The following MAMDC4 variants were observed in gnomAD, a reference collection of about 807,000 sequenced individuals.
MAMDC4 encodes apical endosomal glycoprotein.
Under a neutral mutation model 153.3 loss-of-function variants are expected in MAMDC4, and 168 were observed. That is an observed-to-expected ratio of 1.10 (90% CI 0.97 to 1.25). MAMDC4 has a LOEUF of 1.25. Ranked by LOEUF, MAMDC4 falls within the 50% of genes most tolerant of loss-of-function variation. The pLI is 0.00. For missense variants in MAMDC4, 1,701 were observed against 1,542.8 expected (o/e 1.10, Z -1.72); for synonymous variants, 744 against 651.5 (o/e 1.14, Z -2.16).
rs1848974930 is a variant in MAMDC4, at chr9:136,854,564, G to A, written c.822G>A (p.Glu274=). The change falls in exon 8 of 27, where the codon GAG becomes GAA. Residue 274 remains glutamate (E), a synonymous_variant. Coordinates refer to ENST00000317446, the MANE Select transcript of MAMDC4 (RefSeq NM_206920.3). ...TCGRHIATDF[E]TGLGPWNRSE... ...GCCGCCACATAGCCACCGACTTTGAGACAGGCCTGGGCCCATGGAACCGCT... is the reference window on the plus strand; with the variant it reads ...GCCGCCACATAGCCACCGACTTTGAAACAGGCCTGGGCCCATGGAACCGCT... 1.9e-6 allele frequency: 3 copies of A among 1,606,946 alleles called. No homozygotes were observed. In the South Asian group the frequency reaches 3.3e-5, roughly 18 times the overall value.
intron 10 of MAMDC4, 31 bp from the exon 11 acceptor site, chr9:136,855,223 C>A: frequency 6.3e-7 from 1 of 1,576,800 alleles, no homozygotes; most frequent in South Asian, 1.2e-5. Context: ...GGGAAATAGG[C>A]TGGGCACCCC....
chr9:136,857,949 ACTG>A, intron 19 of MAMDC4, 27 bp from the exon 20 acceptor site: 1 of 1,481,128 alleles, frequency 6.8e-7, no homozygotes. Context: ...CTCTCCCCAC[ACTG>A]CTGACCTGGG....
rs752206848 is a variant in MAMDC4, at chr9:136,859,079, C to T, written c.3031C>T (p.Arg1011Trp). 1.4e-5 allele frequency: 22 copies of T among 1,557,680 alleles called. No homozygotes were observed. The highest frequency in any genetic ancestry group is 2.3e-5 in the South Asian group (2 of 85,358). ...TGTGTGGGGCGCAGGCGGGCATCGG[C>T]GGCACCAGTGGCTGGAGGCCCAGGT... is the stretch of plus-strand genomic sequence containing the variant. ...LAVWGAGGHR[R>W]HQWLEAQVEV... Residue 1011 changes from arginine (R) to tryptophan (W), a missense_variant, in exon 24 of 27, where the codon CGG becomes TGG. By Grantham distance (101) the Arg-to-Trp change is moderately radical. Transcript: ENST00000317446.
chr9:136,852,579 G>T, intron 1 of MAMDC4, 117 bp downstream of exon 1: 1 of 1,340,768 alleles, frequency 7.5e-7, no homozygotes, highest in Non-Finnish European at 1.1e-6. Context: ...GGGAAGGAGG[G>T]TTGCAAGGTA....
At position 136,858,867 on chromosome 9, in the gene MAMDC4, G is replaced by T. The variant is rs772817920; in HGVS notation, c.2956+14G>T. The stretch of plus-strand genomic sequence containing the variant: ...CTGAGCACTTCTGTGAGTCCGGCTG[G>T]GCCAATGGGTGCCTGGGCAACGGGG... On this transcript the variant is annotated intron_variant, in intron 23 of 26. Coordinates refer to ENST00000317446, the MANE Select transcript of MAMDC4 (RefSeq NM_206920.3). The T allele has an allele frequency of 2.5e-6, 4 of 1,599,576 alleles. No homozygotes were observed. The South Asian group carries it at 3.3e-5, about 13-fold the overall frequency.
intron 25 of MAMDC4, 160 bp from the exon 26 acceptor site, chr9:136,859,726 C>A: frequency 2.8e-6 from 2 of 705,256 alleles, no homozygotes; most frequent in Non-Finnish European, 4.7e-6. Context: ...GTCTGCCAGG[C>A]CCCATCCTTG....
In MAMDC4 at chr9:136,854,587, G is replaced by T. The variant is rs145154902; in HGVS notation, c.845G>T (p.Arg282Leu). 5 of 1,607,120 alleles carry T rather than the reference G, an allele frequency of 3.1e-6. No individual in the cohort carries two copies. The highest frequency in any genetic ancestry group is 1.7e-5 in the Admixed American group (1 of 59,372). ...GAGACAGGCCTGGGCCCATGGAACC[G>T]CTCGGAAGGCTGGTCCCGGAACCAC... ...DFETGLGPWN[R>L]SEGWSRNHRA... Residue 282 changes from arginine (R) to leucine (L), a missense_variant, in exon 8 of 27, where the codon CGC becomes CTC. By Grantham distance (102) the Arg-to-Leu change is moderately radical (BLOSUM62 -2). Transcript: ENST00000317446.
In MAMDC4 at chr9:136,857,901, G is replaced by GCTGGGAGC; in HGVS notation, c.2465-69_2465-62dup. On this transcript the variant is annotated intron_variant, in intron 19 of 26. Transcript: ENST00000317446. ...CTGGGGAGCCTCTTGCGCCCGCCAGGCTGGGAGCCTGGGAGCTCAGACCAG... is the reference window on the plus strand; with the variant it reads ...CTGGGGAGCCTCTTGCGCCCGCCAGGCTGGGAGCCTGGGAGCCTGGGAGCTCAGACCAG... 3 of 1,484,158 alleles carry GCTGGGAGC rather than the reference G, an allele frequency of 2.0e-6. No homozygotes were observed. In the South Asian group the frequency reaches 3.9e-5, roughly 19 times the overall value. 91.9% of individuals were successfully genotyped at this position (1,484,158 alleles called of 1,614,324 possible). A position where few individuals can be genotyped will look rare whatever the true frequency, so the allele number is the denominator to read the frequency against.
rs913137207 is a variant in MAMDC4 at position 136,860,690 on chromosome 9, G to C, written c.*87G>C. On this transcript the variant is annotated 3_prime_UTR_variant, in exon 27 of 27. Transcript: ENST00000317446. ...AGGGACCGGACACCTGCCCCGCCCA[G>C]GCTGGGACAGGCTGCAGGTCTCAGG... 3 of 1,430,808 alleles carry C rather than the reference G, an allele frequency of 2.1e-6. No individual in the cohort carries two copies. Among genetic ancestry groups the C allele is most frequent in the Middle Eastern group, 1.8e-4 (1 of 5,690 alleles). 88.6% of individuals were successfully genotyped at this position (1,430,808 alleles called of 1,614,324 possible).
chr9:136,858,207 G>T lies in MAMDC4; in HGVS notation c.2605G>T (p.Ala869Ser). The change falls in exon 21 of 27, where the codon GCA (alanine) becomes TCA (serine). Residue 869 changes from alanine (A) to serine (S), a missense_variant. Transcript: ENST00000317446. ...CCAGGTGGTGTTTGAGGCAGTGGCC[G>T]CAGGCGTGGCACACTCCTACGTGGC... ...AWRVVFEAVA[A>S]GVAHSYVALD... The T allele has an allele frequency of 6.3e-7, 1 of 1,595,742 alleles. No individual in the cohort carries two copies.
Position 136,856,707 on chromosome 9 carries a change from C to G in MAMDC4, c.1721-3C>G, listed in dbSNP as rs1299147293. Reference sequence around the variant, plus strand: ...GTGTGACGCCACCTGGCCCCACCCCCAGAGGTCTCCTGTAACTTTGAGCGG... The same window carrying G: ...GTGTGACGCCACCTGGCCCCACCCCGAGAGGTCTCCTGTAACTTTGAGCGG... On this transcript the variant is annotated splice_region_variant and splice_polypyrimidine_tract_variant and intron_variant, in intron 14 of 26. Transcript: ENST00000317446. The G allele has an allele frequency of 6.2e-7, 1 of 1,612,564 alleles. No homozygotes were observed. The highest frequency in any genetic ancestry group is 8.5e-7 in the Non-Finnish European group (1 of 1,179,816).
chr9:136,856,563 G>A lies in MAMDC4; in HGVS notation c.1721-147G>A, dbSNP rs747877575. The A allele has an allele frequency of 2.8e-5, 23 of 833,860 alleles. No individual in the cohort carries two copies. In the East Asian group the frequency reaches 3.6e-4, roughly 13 times the overall value. 51.7% of individuals were successfully genotyped at this position (833,860 alleles called of 1,614,324 possible). On this transcript the variant is annotated intron_variant, in intron 14 of 26. Coordinates refer to ENST00000317446, the MANE Select transcript of MAMDC4 (RefSeq NM_206920.3). ...GGACTGTAGCCCCACAGTGACCACCGAGAGAGACAGAGGTTCCTGCTGCCC... is the reference window on the plus strand; with the variant it reads ...GGACTGTAGCCCCACAGTGACCACCAAGAGAGACAGAGGTTCCTGCTGCCC...
In MAMDC4 at chr9:136,860,642, C is replaced by T; in HGVS notation, c.*39C>T. On this transcript the variant is annotated 3_prime_UTR_variant, in exon 27 of 27. Coordinates refer to ENST00000317446, the MANE Select transcript of MAMDC4 (RefSeq NM_206920.3). Reference sequence around the variant, plus strand: ...AGGCCCCGCTTCCTCACGTGACATCCAGCACTTGGTCAGACCCTAGCCAGG... The same window carrying T: ...AGGCCCCGCTTCCTCACGTGACATCTAGCACTTGGTCAGACCCTAGCCAGG... 1 of 1,611,740 alleles carries T rather than the reference C, an allele frequency of 6.2e-7. No individual in the cohort carries two copies. The highest frequency in any genetic ancestry group is 8.5e-7 in the Non-Finnish European group (1 of 1,178,668).
chr9:136,855,373 C>T, intron 11 of MAMDC4, 35 bp downstream of exon 11: 1 of 1,599,938 alleles, frequency 6.3e-7, no homozygotes, highest in Non-Finnish European at 8.5e-7. Context: ...CCTGCCTTGC[C>T]CTGGAGAGGC....
At chr9:136,854,880 C>T (rs747313651) in intron 9 of MAMDC4, 30 bp downstream of exon 9, 3 of 1,612,664 alleles carry the variant, frequency 1.9e-6, no homozygotes, top group Non-Finnish European at 2.5e-6. Context: ...CAGGGCCTCC[C>T]TGCTCTCCGT....
chr9:136,858,181 G>A lies in MAMDC4; in HGVS notation c.2584-5G>A, dbSNP rs777493994. Reference sequence around the variant, plus strand: ...GCTGAGGCTGCCCTGCCCTGCACCCGCCAGGTGGTGTTTGAGGCAGTGGCC... The same window carrying A: ...GCTGAGGCTGCCCTGCCCTGCACCCACCAGGTGGTGTTTGAGGCAGTGGCC... On this transcript the variant is annotated splice_polypyrimidine_tract_variant and splice_region_variant and intron_variant, in intron 20 of 26. Transcript: ENST00000317446. 1.9e-5 allele frequency: 29 copies of A among 1,562,654 alleles called. No homozygotes were observed. In the Middle Eastern group the frequency reaches 5.0e-4, roughly 27 times the overall value.
In MAMDC4 at chr9:136,856,808, G is replaced by C. The variant is rs756972617; in HGVS notation, c.1819G>C (p.Asp607His). Reference protein sequence around the residue: ...RWVESRGPDHDHTTGQGHFVL... With the variant: ...RWVESRGPDHHHTTGQGHFVL... Reference sequence around the variant, plus strand: ...GGTGGAGAGCCGCGGCCCTGACCACGACCACACCACAGGCCAAGGTAGGAT... The same window carrying C: ...GGTGGAGAGCCGCGGCCCTGACCACCACCACACCACAGGCCAAGGTAGGAT... Residue 607 changes from aspartate to histidine, a missense_variant, in exon 15 of 27, where the codon GAC (aspartate) becomes CAC (histidine). Physicochemically the swap from Asp to His is moderately conservative, Grantham distance 81. Coordinates refer to ENST00000317446, the MANE Select transcript of MAMDC4 (RefSeq NM_206920.3). The C allele has an allele frequency of 2.5e-6, 4 of 1,611,862 alleles. No individual in the cohort carries two copies. The highest frequency in any genetic ancestry group is 3.4e-6 in the Non-Finnish European group (4 of 1,179,566).
At chr9:136,859,652 T>C (rs1432597897) in intron 25 of MAMDC4, 16 of 600,814 alleles carry the variant, frequency 2.7e-5, no homozygotes, top group Non-Finnish European at 4.4e-5. Flanking sequence ...TGCTCTCACT[T>C]GGTGAGGGAA....
Position 136,858,096 on chromosome 9 carries a change from G to A in MAMDC4, c.2582G>A (p.Arg861Lys), listed in dbSNP as rs200759814. 7 of 1,533,268 alleles carry A rather than the reference G, an allele frequency of 4.6e-6. No individual in the cohort carries two copies. Among genetic ancestry groups the A allele is most frequent in the East Asian group, 2.5e-5 (1 of 40,664 alleles). 95.0% of individuals were successfully genotyped at this position (1,533,268 alleles called of 1,614,324 possible). Residue 861 changes from arginine (R) to lysine (K), a missense_variant and splice_region_variant, in exon 20 of 27, where the codon AGG (arginine) becomes AAG (lysine). Physicochemically the swap from Arg to Lys is conservative, Grantham distance 26. Coordinates refer to ENST00000317446, the MANE Select transcript of MAMDC4 (RefSeq NM_206920.3). Reference sequence around the variant, plus strand: ...GACGTGCAGGCCGAGCGAGCCTGGAGGGTGAGTGCAGGGTGGGGTGCCCCT... The same window carrying A: ...GACGTGCAGGCCGAGCGAGCCTGGAAGGTGAGTGCAGGGTGGGGTGCCCCT... ...SMDVQAERAW[R>K]VVFEAVAAGV...
Sources: gnomAD v4.1 joint callset for allele counts on GRCh38, gnomAD v4.1.1 for gene constraint, MANE v1.5 for transcripts, NCBI Gene and HGNC (gene_info 2026-07-23, HGNC 2026-07-21) for gene names.